The following RBPJ variants were observed in gnomAD, a reference collection of about 807,000 sequenced individuals.
The protein encoded by RBPJ is recombining binding protein suppressor of hairless.
Under a neutral mutation model 67.8 loss-of-function variants are expected in RBPJ, and 9 were observed. The observed-to-expected ratio is 0.13, with a 90% CI of 0.08 to 0.23. RBPJ has a LOEUF of 0.23. RBPJ is among the 10% of genes least tolerant of loss of function. The pLI is 1.00. For missense variants in RBPJ, 305 were observed against 595.6 expected (o/e 0.51, Z 5.08); for synonymous variants, 198 against 203.3 (o/e 0.97, Z 0.22).
chr4:26,280,396 A>C (rs1421181461), intron 1 of RBPJ, among the ~76,000 whole-genome samples: 1 of 7,414 alleles, frequency 1.3e-4, no homozygotes, highest in African/African-American at 3.0e-3. Flanking sequence ...ACTTCATCTC[A>C]AAAAAAAAAA....
the RBPJ span, among the ~76,000 whole-genome samples, chr4:26,121,254 C>T: frequency 2.6e-5 from 4 of 152,236 alleles, no homozygotes; most frequent in Admixed American, 6.5e-5. Flanking sequence ...GCTTTTTCAC[C>T]TCTGAATCTT....
intron 1 of RBPJ, among the ~76,000 whole-genome samples, chr4:26,185,906 T>G (rs1408672821): frequency 6.6e-6 from 1 of 151,858 alleles, no homozygotes; most frequent in Non-Finnish European, 1.5e-5. Flanking sequence ...ATTAGCTGGG[T>G]GTGGTGGCAC....
chr4:26,124,303 G>GTTTTCA, the RBPJ span, among the ~76,000 whole-genome samples: 1 of 151,252 alleles, frequency 6.6e-6, no homozygotes, highest in Non-Finnish European at 1.5e-5. Flanking sequence ...AACATGCAAT[G>GTTTTCA]CTTGGTTTTC....
At chr4:26,215,220 AAGAG>A (rs1326989479) in intron 1 of RBPJ, among the ~76,000 whole-genome samples, 20 of 12,946 alleles carry the variant, frequency 1.5e-3, no homozygotes, top group African/African-American at 8.3e-3. Context: ...GAAAGAGAAA[AAGAG>A]AGAAAAGAGA....
In RBPJ at chr4:26,307,251, C is replaced by T. The variant is rs193267407; in HGVS notation, c.-166-55195C>T. Among the ~76,000 whole-genome samples the T allele has an allele frequency of 9.9e-5, 15 of 152,280 alleles. No individual in the cohort carries two copies. In the East Asian group the frequency reaches 1.5e-3, roughly 16 times the overall value. ...TGAGACAGTGCAGACTCATAGTTAC[C>T]GTCACTGTGGAAATTATACATCACA... On this transcript the variant is annotated intron_variant, in intron 1 of 4. Coordinates refer to the RBPJ transcript ENST00000512351.
At chr4:26,242,464 A>G (rs1392192412) in intron 1 of RBPJ, among the ~76,000 whole-genome samples, 1 of 151,592 alleles carries the variant, frequency 6.6e-6, no homozygotes, top group Non-Finnish European at 1.5e-5. Context: ...AAAAAAAAGA[A>G]AAGAAAAGAA....
rs141328436 is a variant in RBPJ at position 26,255,751 on chromosome 4, G to A, written c.-167+92137G>A. Among the ~76,000 whole-genome samples the A allele has an allele frequency of 9.8e-3, 1,449 of 148,464 alleles. 24 individuals are homozygous for A. Among genetic ancestry groups the A allele is most frequent in the African/African-American group, 0.031 (1,261 of 40,038 alleles). Reference sequence around the variant, plus strand: ...CGGGAGGCAGAGCTTGCAGTGAGCCGAGATCGTGCCACTGCACTCCAGCCT... The same window carrying A: ...CGGGAGGCAGAGCTTGCAGTGAGCCAAGATCGTGCCACTGCACTCCAGCCT... On this transcript the variant is annotated intron_variant, in intron 1 of 4. Transcript: ENST00000512351.
At chr4:26,183,294 A>C (rs1474499635) in intron 1 of RBPJ, among the ~76,000 whole-genome samples, 1 of 152,200 alleles carries the variant, frequency 6.6e-6, no homozygotes, top group African/African-American at 2.4e-5. Context: ...TTATAATTTG[A>C]TGGGACCACC....
intron 1 of RBPJ, among the ~76,000 whole-genome samples, chr4:26,363,532 G>A (rs1266058755): frequency 6.6e-6 from 1 of 152,164 alleles, no homozygotes; most frequent in Non-Finnish European, 1.5e-5. Context: ...TCTGCCTCCT[G>A]GGTTCAAGCA....
the RBPJ span, among the ~76,000 whole-genome samples, chr4:26,155,577 G>A: frequency 1.3e-5 from 2 of 152,076 alleles, no homozygotes; most frequent in Non-Finnish European, 2.9e-5. Flanking sequence ...TGGGACTACA[G>A]GCATGCACCA....
At chr4:26,404,925 G>A (rs946877525) in intron 2 of RBPJ, among the ~76,000 whole-genome samples, 7 of 152,070 alleles carry the variant, frequency 4.6e-5, no homozygotes, top group African/African-American at 9.7e-5. Context: ...TTACATAGGC[G>A]TTCCCTTATT....
chr4:26,331,692 C>T (rs1724280931), intron 1 of RBPJ, among the ~76,000 whole-genome samples: 1 of 152,196 alleles, frequency 6.6e-6, no homozygotes, highest in Non-Finnish European at 1.5e-5. Flanking sequence ...TTGTCCTCCT[C>T]ACTGCACACC....
intron 1 of RBPJ, among the ~76,000 whole-genome samples, chr4:26,220,090 G>A (rs1718853738): frequency 6.6e-6 from 1 of 152,142 alleles, no homozygotes; most frequent in Admixed American, 6.5e-5. Context: ...GCCAGAGCCA[G>A]GGTTTAAAGC....
At chr4:26,215,485 A>T (rs1248397399) in intron 1 of RBPJ, among the ~76,000 whole-genome samples, 1 of 152,106 alleles carries the variant, frequency 6.6e-6, no homozygotes, top group African/African-American at 2.4e-5. Flanking sequence ...AACAAATTTC[A>T]GGGAGAAAAT....
intron 1 of RBPJ, among the ~76,000 whole-genome samples, chr4:26,369,594 G>C (rs1445027167): frequency 6.6e-6 from 1 of 152,192 alleles, no homozygotes; most frequent in Non-Finnish European, 1.5e-5. Context: ...CCAAGTGTGA[G>C]ATTATTTGAT....
In RBPJ at chr4:26,367,517, G is replaced by A. The variant is rs993645901; in HGVS notation, c.21-18836G>A. Among the ~76,000 whole-genome samples, 16 of 152,108 alleles carry A rather than the reference G, an allele frequency of 1.1e-4. 1 individual carries two copies. Among genetic ancestry groups the A allele is most frequent in the African/African-American group, 3.9e-4 (16 of 41,424 alleles). ...TCTCAGTTTCACTTTTTATATGTTA[G>A]GACTTGTTTGTATAATAGGTGCTTC... On this transcript the variant is annotated intron_variant, in intron 1 of 10. Coordinates refer to ENST00000355476, the MANE Select transcript of RBPJ (RefSeq NM_015874.6).
intron 3 of RBPJ, among the ~76,000 whole-genome samples, chr4:26,408,086 G>A (rs1479442859): frequency 6.6e-6 from 1 of 151,726 alleles, no homozygotes; most frequent in Admixed American, 6.6e-5. Context: ...TGCCGTCCAG[G>A]CTGATCTCAA....
rs573199535 is a variant in RBPJ at position 26,424,041 on chromosome 4, T to C, written c.497-301T>C. Reference sequence around the variant, plus strand: ...AATAGGTCATCATTTAAATTTCTACTGTCTAACATTATTTTAAAAGTAAGT... The same window carrying C: ...AATAGGTCATCATTTAAATTTCTACCGTCTAACATTATTTTAAAAGTAAGT... On this transcript the variant is annotated intron_variant, in intron 5 of 10. Coordinates refer to ENST00000355476, the MANE Select transcript of RBPJ (RefSeq NM_015874.6). This position sits in a 1 kb window ranked among gnomAD's most constrained non-coding sequence, Gnocchi z 5.3. Among the ~76,000 whole-genome samples, 6 of 152,264 alleles carry C rather than the reference T, an allele frequency of 3.9e-5. No homozygotes were observed. In the South Asian group the frequency reaches 1.2e-3, roughly 32 times the overall value.
rs757127437 is a variant in RBPJ, at chr4:26,270,437, G to GAAAGAAGA, written c.-166-92007_-166-92006insAGAAGAAA. 3.5e-3 allele frequency among the ~76,000 whole-genome samples: 104 copies of GAAAGAAGA among 30,052 alleles called. 2 individuals are homozygous for GAAAGAAGA. Among genetic ancestry groups the GAAAGAAGA allele is most frequent in the Non-Finnish European group, 7.3e-3 (73 of 10,040 alleles). The allele number at this position is 30,052 out of a possible 152,430, so 19.7% of individuals were successfully genotyped here. A position where few individuals can be genotyped will look rare whatever the true frequency, so the allele number is the denominator to read the frequency against. ...AGAAAGAAAGAAAGAAAGAAAGAAA[G>GAAAGAAGA]AAGAAAGAAAGAAAGAAAGAAAAGA... On this transcript the variant is annotated intron_variant, in intron 1 of 4. Transcript: ENST00000512351.
Sources: gnomAD v4.1 joint callset for allele counts (sites outside exome capture counted in the v4.1 genomes callset) on GRCh38, gnomAD v4.1.1 for gene constraint, Gnocchi (gnomAD v3.1) non-coding constraint, MANE v1.5 for transcripts, NCBI Gene and HGNC (gene_info 2026-07-23, HGNC 2026-07-21) for gene names.